ZMIZ1: variants seen among roughly 807,000 people sequenced by gnomAD.
ZMIZ1 encodes zinc finger MIZ-type containing 1.
In ZMIZ1, 17 loss-of-function variants were observed where a neutral mutation model predicts 113.9. The observed-to-expected ratio is 0.15, with a 90% confidence interval of 0.10 to 0.22. The LOEUF (loss-of-function observed/expected upper bound fraction) is 0.22, where lower values mean the gene tolerates loss of function less well. Ranked by LOEUF, ZMIZ1 falls within the 10% of genes least tolerant of loss-of-function variation. ZMIZ1 has a pLI of 1.00. For synonymous variants in ZMIZ1, 607 were observed against 603.1 expected (o/e 1.01, Z -0.09); for missense variants, 1,059 against 1,477.8 (o/e 0.72, Z 4.65).
chr10:79,256,217 G>A (rs960611719), intron 7 of ZMIZ1, among the ~76,000 whole-genome samples: 2 of 152,154 alleles, frequency 1.3e-5, no homozygotes, highest in African/African-American at 4.8e-5. Context: ...GAACTTGGCC[G>A]GCAGAGGGGT....
intron 7 of ZMIZ1, among the ~76,000 whole-genome samples, chr10:79,267,082 G>C (rs1432195346): frequency 6.6e-6 from 1 of 152,256 alleles, no homozygotes; most frequent in Non-Finnish European, 1.5e-5. Flanking sequence ...CTCCAGAGGA[G>C]GAAGGGGTCT....
intron 2 of ZMIZ1, among the ~76,000 whole-genome samples, chr10:79,129,277 C>G (rs1844650746): frequency 6.6e-6 from 1 of 152,190 alleles, no homozygotes; most frequent in South Asian, 2.1e-4. Flanking sequence ...ATCAGCCCCA[C>G]TAGGGTGGCC....
intron 12 of ZMIZ1, chr10:79,294,772 T>G (rs1365302199): frequency 6.6e-6 from 1 of 152,384 alleles, no homozygotes; most frequent in Non-Finnish European, 1.5e-5. Flanking sequence ...AGTTTTCTCC[T>G]CCTAGCTCCT....
intron 3 of ZMIZ1, among the ~76,000 whole-genome samples, chr10:79,158,829 C>T (rs1311909006): frequency 6.6e-6 from 1 of 152,244 alleles, no homozygotes; most frequent in East Asian, 1.9e-4. Context: ...GAGACTCAGC[C>T]TTGTCACTTT....
At chr10:79,249,868 G>T (rs1850440309) in intron 7 of ZMIZ1, among the ~76,000 whole-genome samples, 2 of 152,120 alleles carry the variant, frequency 1.3e-5, no homozygotes, top group Non-Finnish European at 2.9e-5. Context: ...CTCTTAAAAT[G>T]GGGCCACCCG....
intron 7 of ZMIZ1, among the ~76,000 whole-genome samples, chr10:79,263,695 C>T (rs1851402822): frequency 6.6e-6 from 1 of 152,020 alleles, no homozygotes; most frequent in Admixed American, 6.6e-5. Context: ...CAGGAAAAAC[C>T]AAGGGCTTGG....
At chr10:79,252,471 G>T (rs550924868) in intron 7 of ZMIZ1, among the ~76,000 whole-genome samples, 1 of 151,982 alleles carries the variant, frequency 6.6e-6, no homozygotes, top group Non-Finnish European at 1.5e-5. Context: ...TACCCCCTGG[G>T]CTCTTACCTA....
At chr10:79,253,349 C>G (rs1424980351) in intron 7 of ZMIZ1, among the ~76,000 whole-genome samples, 1 of 152,098 alleles carries the variant, frequency 6.6e-6, no homozygotes, top group Non-Finnish European at 1.5e-5. Context: ...TACAAACACA[C>G]TGGGTGTTGG....
chr10:79,303,087 C>T (rs1854437559), intron 18 of ZMIZ1, among the ~76,000 whole-genome samples: 1 of 151,892 alleles, frequency 6.6e-6, no homozygotes, highest in South Asian at 2.1e-4. Flanking sequence ...GTCACAATCT[C>T]CTGACCTCAC....
Position 79,112,701 on chromosome 10 carries a change from G to A in ZMIZ1, c.-336-6214G>A, listed in dbSNP as rs988470183. Among the ~76,000 whole-genome samples the A allele has an allele frequency of 2.6e-5, 4 of 152,156 alleles. No homozygotes were observed. In the East Asian group the frequency reaches 5.8e-4, roughly 22 times the overall value. On this transcript the variant is annotated intron_variant, in intron 1 of 24. Transcript: ENST00000334512. ...TGCACATATATCCCACCACCCACCC[G>A]TTCCTGCAGATCTAAGGACATTTCC...
chr10:79,266,078 A>C (rs949311672), intron 7 of ZMIZ1, among the ~76,000 whole-genome samples: 1 of 152,168 alleles, frequency 6.6e-6, no homozygotes, highest in Admixed American at 6.5e-5. Context: ...ACGTGACCCC[A>C]CTTGGAGGCC....
intron 4 of ZMIZ1, among the ~76,000 whole-genome samples, chr10:79,176,737 A>C (rs1204755772): frequency 6.6e-6 from 1 of 152,174 alleles, no homozygotes; most frequent in Non-Finnish European, 1.5e-5. Flanking sequence ...CATCACTGTC[A>C]TCGTCCCCCT....
In ZMIZ1 at chr10:79,314,140, T is replaced by TC. The variant is rs1285810222; in HGVS notation, c.*1394dup. ...CTCAAGCAAAAGCAGCCTCTGGCCTTCCCTCCACCGCTTTGCTCCATCTGG... is the reference window on the plus strand; with the variant it reads ...CTCAAGCAAAAGCAGCCTCTGGCCTTCCCCTCCACCGCTTTGCTCCATCTGG... On this transcript the variant is annotated 3_prime_UTR_variant, in exon 25 of 25. Coordinates refer to ENST00000334512, the MANE Select transcript of ZMIZ1 (RefSeq NM_020338.4). The TC allele has an allele frequency of 4.4e-6, 2 of 456,864 alleles. No homozygotes were observed. Among genetic ancestry groups the TC allele is most frequent in the African/African-American group, 4.0e-5 (2 of 50,072 alleles). The allele number at this position is 456,864 out of a possible 1,614,324, so 28.3% of individuals were successfully genotyped here.
chr10:79,118,957 C>G lies in ZMIZ1; in HGVS notation c.-294C>G, dbSNP rs2132324219. The stretch of plus-strand genomic sequence containing the variant: ...TTCTGATTTCGTACTACTGCTGGGG[C>G]TGCCACCTCCTCCTCCAGACGCTCT... On this transcript the variant is annotated 5_prime_UTR_variant, in exon 2 of 25. Transcript: ENST00000334512. This position sits in a 1 kb window ranked among gnomAD's most constrained non-coding sequence, Gnocchi z 4.1. 1 of 152,692 alleles carries G rather than the reference C, an allele frequency of 6.5e-6. No individual in the cohort carries two copies. Among genetic ancestry groups the G allele is most frequent in the Non-Finnish European group, 1.5e-5 (1 of 68,222 alleles). The allele number at this position is 152,692 out of a possible 1,614,324, so 9.5% of individuals were successfully genotyped here. A position where few individuals can be genotyped will look rare whatever the true frequency, so the allele number is the denominator to read the frequency against.
intron 3 of ZMIZ1, among the ~76,000 whole-genome samples, chr10:79,159,403 G>T (rs1846019970): frequency 6.6e-6 from 1 of 152,212 alleles, no homozygotes; most frequent in Non-Finnish European, 1.5e-5. Context: ...AGCATGAGGG[G>T]TGCCCGGCGC....
chr10:79,183,384 GCA>G (rs1184700578), intron 4 of ZMIZ1, among the ~76,000 whole-genome samples: 10 of 141,580 alleles, frequency 7.1e-5, no homozygotes, highest in African/African-American at 2.4e-4. Context: ...ACACACACAC[GCA>G]CACACCCATG....
intron 4 of ZMIZ1, among the ~76,000 whole-genome samples, chr10:79,171,782 G>T (rs542428505): frequency 6.6e-6 from 1 of 152,306 alleles, no homozygotes; most frequent in Non-Finnish European, 1.5e-5. Context: ...AAGAATTTCA[G>T]GTGGGGCTAG....
chr10:79,235,997 G>C (rs998426353), intron 7 of ZMIZ1, among the ~76,000 whole-genome samples: 1 of 152,218 alleles, frequency 6.6e-6, no homozygotes, highest in Admixed American at 6.5e-5. Flanking sequence ...CTCATTTGAA[G>C]AGGGAAACAA....
At chr10:79,071,248 C>G (rs1282700262) in intron 1 of ZMIZ1, among the ~76,000 whole-genome samples, 1 of 152,258 alleles carries the variant, frequency 6.6e-6, no homozygotes, top group East Asian at 1.9e-4. Flanking sequence ...TGTCTCCCTG[C>G]TGCAACCTGG....
Sources: allele counts gnomAD v4.1 joint callset (sites outside exome capture counted in the v4.1 genomes callset), GRCh38; gene constraint gnomAD v4.1.1; non-coding constraint Gnocchi (gnomAD v3.1); transcripts MANE v1.5; gene names NCBI Gene and HGNC (gene_info 2026-07-23, HGNC 2026-07-21).